Variants in PLD5 observed in about 807,000 individuals in gnomAD.
The protein encoded by PLD5 is inactive phospholipase D5.
Under a neutral mutation model 61.1 loss-of-function variants are expected in PLD5, and 36 were observed. The observed-to-expected ratio is 0.59, with a 90% CI of 0.45 to 0.78. The LOEUF is 0.78. Among genes scored for constraint, PLD5 ranks in the 30% least tolerant of loss-of-function variants. PLD5 has a pLI of 0.00. For missense variants in PLD5, 515 were observed against 644.4 expected (o/e 0.80, Z 2.17); for synonymous variants, 243 against 242.8 (o/e 1.00, Z -0.01).
chr1:242,322,065 T>C (rs1297680024), intron 2 of PLD5, among the ~76,000 whole-genome samples: 1 of 152,102 alleles, frequency 6.6e-6, no homozygotes, highest in Non-Finnish European at 1.5e-5. Context: ...CCACAGACCA[T>C]CTAGAAGCCA....
At chr1:242,328,811 C>T (rs1481145805) in intron 2 of PLD5, among the ~76,000 whole-genome samples, 1 of 152,148 alleles carries the variant, frequency 6.6e-6, no homozygotes, top group Non-Finnish European at 1.5e-5. Flanking sequence ...AACCAGCTAC[C>T]ATGGCCAAAG....
chr1:242,306,892 T>C (rs10803034), intron 2 of PLD5, among the ~76,000 whole-genome samples: 138,304 of 151,340 alleles, frequency 0.91, 62,785 homozygotes, highest in East Asian at 0.95. Context: ...ATATCACATA[T>C]TTATCATTAA....
At chr1:242,400,683 A>G (rs1337645895) in intron 1 of PLD5, among the ~76,000 whole-genome samples, 1 of 152,148 alleles carries the variant, frequency 6.6e-6, no homozygotes, top group Non-Finnish European at 1.5e-5. Flanking sequence ...CCTAAATCCA[A>G]GGTTCTCTGA....
intron 1 of PLD5, among the ~76,000 whole-genome samples, chr1:242,459,044 C>T (rs539151302): frequency 1.1e-4 from 17 of 152,204 alleles, no homozygotes; most frequent in African/African-American, 2.9e-4. Context: ...AAATTCTACT[C>T]GGATGTGGAA....
chr1:242,117,809 T>G (rs1662066152), intron 6 of PLD5, among the ~76,000 whole-genome samples: 1 of 152,246 alleles, frequency 6.6e-6, no homozygotes, highest in African/African-American at 2.4e-5. Context: ...CAGTGGATTT[T>G]AGGGATTGTA....
intron 5 of PLD5, among the ~76,000 whole-genome samples, chr1:242,183,245 T>C (rs1667634237): frequency 6.6e-6 from 1 of 152,238 alleles, no homozygotes; most frequent in Non-Finnish European, 1.5e-5. Context: ...TGCTTTGCTT[T>C]ACTATAGTTT....
Position 242,153,448 on chromosome 1 carries a change from C to T in PLD5, c.736-28783G>A, listed in dbSNP as rs148864615. ...CCCATGCCTATGTCCTGAATGGTAT[C>T]GCCTAGGTTTTCTTCTAGGGTTTTT... On this transcript the variant is annotated intron_variant, in intron 5 of 9. Transcript: ENST00000536534. 9.1e-3 allele frequency among the ~76,000 whole-genome samples: 1,375 copies of T among 151,390 alleles called. 22 individuals are homozygous for T. The highest frequency in any genetic ancestry group is 0.031 in the African/African-American group (1,271 of 41,260).
At chr1:242,425,112 G>T (rs1665345678) in intron 1 of PLD5, among the ~76,000 whole-genome samples, 1 of 152,088 alleles carries the variant, frequency 6.6e-6, no homozygotes, top group South Asian at 2.1e-4. Context: ...AGCCTGGGAG[G>T]CAGAGCAAGA....
At chr1:242,207,902 A>ATTTATATATT (rs1558344477) in intron 5 of PLD5, among the ~76,000 whole-genome samples, 1,215 of 21,118 alleles carry the variant, frequency 0.058, 373 homozygotes, top group African/African-American at 0.27. Context: ...ATATTTATAT[A>ATTTATATATT]TTTATATATA....
intron 2 of PLD5, among the ~76,000 whole-genome samples, chr1:242,308,388 A>G (rs1399411607): frequency 6.6e-6 from 1 of 152,184 alleles, no homozygotes; most frequent in African/African-American, 2.4e-5. Context: ...CTGCTACTCA[A>G]ATTATTTCTT....
chr1:242,240,238 C>T (rs1574588823), intron 4 of PLD5, among the ~76,000 whole-genome samples: 1 of 152,328 alleles, frequency 6.6e-6, no homozygotes, highest in East Asian at 1.9e-4. Context: ...ACACGCATTA[C>T]CTTGGAATAT....
Position 242,256,827 on chromosome 1 carries a change from C to G in PLD5, c.607+8510G>C, listed in dbSNP as rs1673064027. 2.0e-5 allele frequency among the ~76,000 whole-genome samples: 3 copies of G among 150,150 alleles called. No homozygotes were observed. On this transcript the variant is annotated intron_variant, in intron 4 of 9. Transcript: ENST00000536534. This position sits in a 1 kb window ranked among gnomAD's most constrained non-coding sequence, Gnocchi z 5.7. ...ATCTATCTTTCTATGTATCTGTCAT[C>G]TATTTCTTTCTTTCTGTGTATCTGC... is the stretch of plus-strand genomic sequence containing the variant.
chr1:242,096,262 T>C (rs1289072341), intron 9 of PLD5, among the ~76,000 whole-genome samples: 1 of 151,966 alleles, frequency 6.6e-6, no homozygotes, highest in African/African-American at 2.4e-5. Flanking sequence ...CCAGTCAATA[T>C]TCTCATATTG....
rs779498482 is a variant in PLD5 at position 242,378,612 on chromosome 1, A to G, written c.190-30370T>C. ...TCCCAGCACTTTGGTAGGCTGAGGC[A>G]GGTCAATCACTTGAGGCCAAGTGTT... On this transcript the variant is annotated intron_variant, in intron 1 of 9. Transcript: ENST00000536534. 5.8e-4 allele frequency among the ~76,000 whole-genome samples: 89 copies of G among 152,160 alleles called. 1 individual carries two copies. Among genetic ancestry groups the G allele is most frequent in the Non-Finnish European group, 1.0e-3 (69 of 68,018 alleles).
At chr1:242,273,074 C>T (rs992833793) in intron 3 of PLD5, among the ~76,000 whole-genome samples, 2 of 152,122 alleles carry the variant, frequency 1.3e-5, no homozygotes, top group African/African-American at 4.8e-5. Context: ...TCTCCCTCCC[C>T]TTGCCCCCCA....
At chr1:242,204,243 C>CA (rs36058585) in intron 5 of PLD5, among the ~76,000 whole-genome samples, 5,809 of 128,158 alleles carry the variant, frequency 0.045, 276 homozygotes, top group African/African-American at 0.13. Flanking sequence ...ACTCTTGTCT[C>CA]AAAAAAAAAA....
At chr1:242,444,171 T>A (rs187641453) in intron 1 of PLD5, among the ~76,000 whole-genome samples, 20 of 152,304 alleles carry the variant, frequency 1.3e-4, no homozygotes, top group Non-Finnish European at 2.5e-4. Context: ...TGTTGGTATG[T>A]GTAATTCATA....
chr1:242,089,107 GGGAAAAAA>G lies in PLD5; in HGVS notation c.*739_*746del, dbSNP rs1246664147. ...TTTTTTTTAAATACCAATTCGGTAG[GGGAAAAAA>G]GGATTCAGTTGAAAGGTGAAAATGA... On this transcript the variant is annotated 3_prime_UTR_variant, in exon 10 of 10. Coordinates refer to ENST00000536534, the MANE Select transcript of PLD5 (RefSeq NM_001372062.1). 2.6e-6 allele frequency: 1 copy of G among 384,516 alleles called. No individual in the cohort carries two copies. The highest frequency in any genetic ancestry group is 4.6e-6 in the Non-Finnish European group (1 of 217,654). 23.8% of individuals were successfully genotyped at this position (384,516 alleles called of 1,614,324 possible). A position where few individuals can be genotyped will look rare whatever the true frequency, so the allele number is the denominator to read the frequency against.
At chr1:242,240,584 A>T (rs1671937386) in intron 4 of PLD5, among the ~76,000 whole-genome samples, 1 of 152,162 alleles carries the variant, frequency 6.6e-6, no homozygotes, top group Admixed American at 6.5e-5. Flanking sequence ...GTTCTGCAAA[A>T]ATTGAAGGTA....
Sources: gnomAD v4.1 joint callset for allele counts (sites outside exome capture counted in the v4.1 genomes callset) on GRCh38, gnomAD v4.1.1 for gene constraint, Gnocchi (gnomAD v3.1) non-coding constraint, MANE v1.5 for transcripts, NCBI Gene and HGNC (gene_info 2026-07-23, HGNC 2026-07-21) for gene names.